Variants in SAMD12 observed in about 807,000 individuals in gnomAD.
SAMD12 encodes sterile alpha motif domain-containing protein 12.
A neutral mutation model predicts 15.0 loss-of-function variants in SAMD12; 9 were observed. The ratio of observed to expected loss-of-function variants is 0.60; its 90% CI spans 0.36 to 1.05. The LOEUF (loss-of-function observed/expected upper bound fraction) is 1.05, where lower values mean the gene tolerates loss of function less well. SAMD12 is among the 50% of genes least tolerant of loss of function. SAMD12 has a pLI of 0.01. For missense variants in SAMD12, 230 were observed against 234.2 expected (o/e 0.98, Z 0.12); for synonymous variants, 86 against 90.1 (o/e 0.96, Z 0.25).
At chr8:118,580,965 A>C in intron 1 of SAMD12, 72 bp from the exon 2 acceptor site, 10 of 1,229,546 alleles carry the variant, frequency 8.1e-6, no homozygotes, top group African/African-American at 1.5e-5. Flanking sequence ...GAAAATATTC[A>C]TCAAGCCTAA....
intron 1 of SAMD12, among the ~76,000 whole-genome samples, chr8:118,607,830 C>G (rs1828019523): frequency 6.6e-6 from 1 of 152,232 alleles, no homozygotes; most frequent in Non-Finnish European, 1.5e-5. Context: ...AGTACCTTCT[C>G]TAAGTGCTAC....
chr8:118,569,487 T>C (rs967511382), intron 2 of SAMD12, among the ~76,000 whole-genome samples: 2 of 152,190 alleles, frequency 1.3e-5, no homozygotes, highest in South Asian at 4.1e-4. Context: ...ATACTTAATC[T>C]GTATAAGTCA....
rs1170973012 is a variant in SAMD12, at chr8:118,489,288, G to T, written c.193-49327C>A. 2.6e-5 allele frequency among the ~76,000 whole-genome samples: 4 copies of T among 151,940 alleles called. No individual in the cohort carries two copies. The East Asian group carries it at 7.7e-4, about 29-fold the overall frequency. On this transcript the variant is annotated intron_variant, in intron 2 of 3. Coordinates refer to ENST00000314727, the MANE Select transcript of SAMD12 (RefSeq NM_207506.3). ...TTGCAAATATCTTCAGCTAGCCTGT[G>T]ACTTGTCTTTTTATTCTGCCATGTC...
the SAMD12 span, among the ~76,000 whole-genome samples, chr8:118,140,912 C>T: frequency 6.6e-6 from 1 of 152,166 alleles, no homozygotes; most frequent in Non-Finnish European, 1.5e-5. Context: ...GGAGCCTACC[C>T]CTGTCCCATG....
chr8:118,173,550 A>G, the SAMD12 span, among the ~76,000 whole-genome samples: 1 of 147,172 alleles, frequency 6.8e-6, no homozygotes, highest in Non-Finnish European at 1.5e-5. Context: ...ATTATCTAAT[A>G]TTTATATATA....
the SAMD12 span, among the ~76,000 whole-genome samples, chr8:118,144,676 G>T: frequency 6.6e-6 from 1 of 151,922 alleles, no homozygotes; most frequent in Non-Finnish European, 1.5e-5. Flanking sequence ...AAGCAAGGAA[G>T]GTGGGAAAAG....
At chr8:118,452,505 T>C (rs1823114017) in intron 2 of SAMD12, among the ~76,000 whole-genome samples, 1 of 152,244 alleles carries the variant, frequency 6.6e-6, no homozygotes, top group South Asian at 2.1e-4. Flanking sequence ...TTTGCCTCAT[T>C]AGCATAATTA....
intron 4 of SAMD12, among the ~76,000 whole-genome samples, chr8:118,231,433 T>G (rs1812308476): frequency 6.6e-6 from 1 of 152,180 alleles, no homozygotes; most frequent in African/African-American, 2.4e-5. Flanking sequence ...CCATATTCAT[T>G]GAACAGAACC....
chr8:118,546,056 C>A (rs188185256), intron 2 of SAMD12, among the ~76,000 whole-genome samples: 1 of 152,158 alleles, frequency 6.6e-6, no homozygotes, highest in African/African-American at 2.4e-5. Context: ...TAGAATAGTT[C>A]GTGGCACAAA....
intron 3 of SAMD12, among the ~76,000 whole-genome samples, chr8:118,426,973 A>G (rs1484579816): frequency 1.3e-5 from 2 of 152,206 alleles, no homozygotes; most frequent in African/African-American, 4.8e-5. Flanking sequence ...TCTTGGATGC[A>G]CTGATGAAGA....
In SAMD12 at chr8:118,580,772, C is replaced by A. The variant is rs1177775484; in HGVS notation, c.135G>T (p.Lys45Asn). The change falls in exon 2 of 4, where the codon AAG (lysine) becomes AAT (asparagine). Residue 45 changes from lysine to asparagine, a missense_variant. By Grantham distance (94) the Lys-to-Asn change is moderately conservative. Coordinates refer to ENST00000314727, the MANE Select transcript of SAMD12 (RefSeq NM_207506.3). ...SQSIKNKNFQKVPDQKGTPKR... is the reference protein window; with the variant it reads ...SQSIKNKNFQNVPDQKGTPKR... ...TGGGAGTTCCTTTCTGGTCAGGCAC[C>A]TTCTGGAAATTTTTATTTTTAATGG... The A allele has an allele frequency of 2.5e-6, 4 of 1,613,256 alleles. No homozygotes were observed. Among genetic ancestry groups the A allele is most frequent in the African/African-American group, 1.3e-5 (1 of 74,834 alleles).
At chr8:118,283,950 G>A (rs572090688) in intron 4 of SAMD12, among the ~76,000 whole-genome samples, 60 of 152,282 alleles carry the variant, frequency 3.9e-4, no homozygotes, top group Non-Finnish European at 7.2e-4. Flanking sequence ...CTGGTATATA[G>A]AAGTCCTCTG....
At chr8:118,365,227 C>G (rs533184914) in intron 4 of SAMD12, among the ~76,000 whole-genome samples, 1 of 152,158 alleles carries the variant, frequency 6.6e-6, no homozygotes, top group Non-Finnish European at 1.5e-5. Flanking sequence ...TGGAACACAC[C>G]AAACTTCTTC....
chr8:118,480,941 A>T (rs1046240630), intron 2 of SAMD12, among the ~76,000 whole-genome samples: 1 of 151,918 alleles, frequency 6.6e-6, no homozygotes, highest in African/African-American at 2.4e-5. Context: ...TTCAAGCCTC[A>T]GTTTATTTTA....
intron 2 of SAMD12, among the ~76,000 whole-genome samples, chr8:118,474,678 C>T (rs912645815): frequency 1.9e-4 from 27 of 140,668 alleles, no homozygotes; most frequent in African/African-American, 5.6e-4. Context: ...TGAGCCACCA[C>T]GCCCAGCTTT....
At chr8:118,517,257 G>A (rs551371776) in intron 2 of SAMD12, among the ~76,000 whole-genome samples, 1 of 152,250 alleles carries the variant, frequency 6.6e-6, no homozygotes, top group South Asian at 2.1e-4. Context: ...AAACCATTTT[G>A]GGTACAGACA....
rs114714550 is a variant in SAMD12 at position 118,241,056 on chromosome 8, C to T, written c.434-43324G>A. Among the ~76,000 whole-genome samples the T allele has an allele frequency of 4.2e-3, 642 of 152,290 alleles. 2 individuals are homozygous for T. The highest frequency in any genetic ancestry group is 0.015 in the African/African-American group (606 of 41,562). On this transcript the variant is annotated intron_variant, in intron 4 of 4. Coordinates refer to the SAMD12 transcript ENST00000409003. ...TGACCCCCAGCTCATTAGTGCCATCCCTGGGATAGTATTCATTGATTTTAG... is the reference window on the plus strand; with the variant it reads ...TGACCCCCAGCTCATTAGTGCCATCTCTGGGATAGTATTCATTGATTTTAG...
rs377742175 is a variant in SAMD12, at chr8:118,256,590, G to T, written c.434-58858C>A. On this transcript the variant is annotated intron_variant, in intron 4 of 4. Coordinates refer to the SAMD12 transcript ENST00000409003. ...TAGGTCAAGTTTCAGTTCAAAGTGCGTAAAGTACTAATGGGGAAGAAGTTC... is the reference window on the plus strand; with the variant it reads ...TAGGTCAAGTTTCAGTTCAAAGTGCTTAAAGTACTAATGGGGAAGAAGTTC... Among the ~76,000 whole-genome samples the T allele has an allele frequency of 3.3e-5, 5 of 151,904 alleles. No homozygotes were observed. In the South Asian group the frequency reaches 6.2e-4, roughly 19 times the overall value.
intron 4 of SAMD12, among the ~76,000 whole-genome samples, chr8:118,299,602 G>C (rs1814910224): frequency 6.6e-6 from 1 of 152,168 alleles, no homozygotes; most frequent in Non-Finnish European, 1.5e-5. Context: ...TTTTGAGTGA[G>C]AGGAAAAGTA....
Sources: gnomAD v4.1 joint callset for allele counts (sites outside exome capture counted in the v4.1 genomes callset) on GRCh38, gnomAD v4.1.1 for gene constraint, MANE v1.5 for transcripts, NCBI Gene and HGNC (gene_info 2026-07-23, HGNC 2026-07-21) for gene names.